VPS54: variants seen among roughly 807,000 people sequenced by gnomAD.
The protein encoded by VPS54 is vacuolar protein sorting-associated protein 54.
A neutral mutation model predicts 121.5 loss-of-function variants in VPS54; 45 were observed. That is an observed-to-expected ratio of 0.37 (90% CI 0.29 to 0.47). The LOEUF is 0.47. Among genes scored for constraint, VPS54 ranks in the 20% least tolerant of loss-of-function variants. VPS54 has a pLI of 0.99. For missense variants in VPS54, 1,090 were observed against 1,131.4 expected (o/e 0.96, Z 0.52); for synonymous variants, 371 against 385.8 (o/e 0.96, Z 0.45).
intron 3 of VPS54, among the ~76,000 whole-genome samples, chr2:63,977,027 T>C (rs977033225): frequency 4.0e-5 from 6 of 151,792 alleles, no homozygotes; most frequent in Non-Finnish European, 8.8e-5. Context: ...TGGGGTTTCA[T>C]CATGTTGGCC....
At chr2:63,979,665 C>G (rs1313723388) in intron 3 of VPS54, among the ~76,000 whole-genome samples, 4 of 152,212 alleles carry the variant, frequency 2.6e-5, no homozygotes. Flanking sequence ...CCCCACAAAT[C>G]CTGATATGTT....
intron 1 of VPS54, among the ~76,000 whole-genome samples, chr2:63,987,086 T>C (rs1345964244): frequency 6.6e-6 from 1 of 152,214 alleles, no homozygotes; most frequent in East Asian, 1.9e-4. Flanking sequence ...ATTCCATTTG[T>C]TCATTTTTGC....
rs570920558 is a variant in VPS54, at chr2:63,991,921, G to A, written c.-20-7902C>T. Among the ~76,000 whole-genome samples the A allele has an allele frequency of 6.6e-5, 10 of 152,302 alleles. No individual in the cohort carries two copies. The South Asian group carries it at 2.1e-3, about 32-fold the overall frequency. ...TTAGGGGTTGGGGCGGTCGATCTCT[G>A]TAGCACTATTCCTCTAAATTTACTA... On this transcript the variant is annotated intron_variant, in intron 1 of 22. Coordinates refer to ENST00000272322, the MANE Select transcript of VPS54 (RefSeq NM_016516.3).
At chr2:63,907,055 T>G (rs1672931518) in intron 20 of VPS54, among the ~76,000 whole-genome samples, 1 of 151,998 alleles carries the variant, frequency 6.6e-6, no homozygotes, top group African/African-American at 2.4e-5. Flanking sequence ...AGTGGAGAAA[T>G]GATAGTCTTT....
chr2:63,975,043 T>C (rs780269763), intron 3 of VPS54: 30 of 1,548,628 alleles, frequency 1.9e-5, no homozygotes, highest in Middle Eastern at 1.7e-4. Context: ...AGAGTTTTTG[T>C]AGATTTTTTT....
intron 1 of VPS54, among the ~76,000 whole-genome samples, chr2:63,985,433 A>G (rs1488283356): frequency 6.6e-6 from 1 of 152,218 alleles, no homozygotes; most frequent in Non-Finnish European, 1.5e-5. Context: ...AAAAATATGT[A>G]TCTGTCTCAG....
chr2:64,007,252 T>G (rs1309703389), intron 1 of VPS54, among the ~76,000 whole-genome samples: 1 of 152,028 alleles, frequency 6.6e-6, no homozygotes, highest in Non-Finnish European at 1.5e-5. Flanking sequence ...GCCTAGAACA[T>G]AAGCAACTTT....
chr2:63,926,706 G>C (rs1318661275), intron 12 of VPS54, among the ~76,000 whole-genome samples: 1 of 152,244 alleles, frequency 6.6e-6, no homozygotes, highest in African/African-American at 2.4e-5. Context: ...GGAAGCACAA[G>C]GGGTCGGGGG....
At position 63,934,534 on chromosome 2, in the gene VPS54, G is replaced by A. The variant is rs576137934; in HGVS notation, c.1399-521C>T. 9.2e-5 allele frequency among the ~76,000 whole-genome samples: 14 copies of A among 151,904 alleles called. No homozygotes were observed. In the South Asian group the frequency reaches 1.0e-3, roughly 11 times the overall value. On this transcript the variant is annotated intron_variant, in intron 11 of 22. Transcript: ENST00000272322. ...AGTGCCTCTGCTGTTTCCTCTATCC[G>A]GAATGCTTTTCACCTTGATCTTTGC...
chr2:64,002,126 G>A (rs987842678), intron 1 of VPS54, among the ~76,000 whole-genome samples: 7 of 152,138 alleles, frequency 4.6e-5, no homozygotes, highest in Non-Finnish European at 1.0e-4. Flanking sequence ...TGCTGTTATA[G>A]TGCATTCAAT....
intron 12 of VPS54, among the ~76,000 whole-genome samples, chr2:63,924,575 C>T (rs751024629): frequency 6.6e-6 from 1 of 152,124 alleles, no homozygotes; most frequent in Admixed American, 6.5e-5. Flanking sequence ...GCCTAGCACT[C>T]TGGGAGGTTG....
At chr2:63,933,549 AAT>A in intron 12 of VPS54, 122 bp downstream of exon 12, 3 of 812,724 alleles carry the variant, frequency 3.7e-6, no homozygotes, top group South Asian at 4.3e-5. Flanking sequence ...TCATAAAATT[AAT>A]ATATTTTTGT....
At chr2:63,894,957 G>A (rs924791199) in intron 22 of VPS54, among the ~76,000 whole-genome samples, 4 of 152,072 alleles carry the variant, frequency 2.6e-5, no homozygotes, top group African/African-American at 7.2e-5. Flanking sequence ...AAAGGGAATC[G>A]GACTGCAGAT....
intron 16 of VPS54, 27 bp downstream of exon 16, chr2:63,916,873 A>T: frequency 1.2e-6 from 2 of 1,609,924 alleles, no homozygotes; most frequent in South Asian, 2.2e-5. Flanking sequence ...AGTTGACTCA[A>T]CTACTAAAGA....
intron 12 of VPS54, among the ~76,000 whole-genome samples, chr2:63,928,180 T>G (rs1674004164): frequency 6.6e-6 from 1 of 152,080 alleles, no homozygotes; most frequent in Admixed American, 6.5e-5. Flanking sequence ...AAGATACTTC[T>G]TGAGAAGAAC....
chr2:63,957,237 TC>T (rs1283910936), intron 7 of VPS54, among the ~76,000 whole-genome samples: 1 of 152,016 alleles, frequency 6.6e-6, no homozygotes, highest in Non-Finnish European at 1.5e-5. Flanking sequence ...GGTCAGGAGA[TC>T]GAGGCCATCC....
intron 14 of VPS54, 26 bp downstream of exon 14, chr2:63,920,417 AAAC>A (rs1558991825): frequency 1.4e-6 from 2 of 1,432,238 alleles, no homozygotes; most frequent in Admixed American, 2.7e-5. Context: ...TGAAAAAATC[AAAC>A]AACAGAATGG....
At chr2:63,998,772 A>T (rs1415531774) in intron 1 of VPS54, among the ~76,000 whole-genome samples, 1 of 152,038 alleles carries the variant, frequency 6.6e-6, no homozygotes, top group Non-Finnish European at 1.5e-5. Flanking sequence ...TGAAAAAATT[A>T]TAGTTATAAT....
intron 12 of VPS54, among the ~76,000 whole-genome samples, chr2:63,931,898 T>C (rs573668604): frequency 6.6e-6 from 1 of 152,072 alleles, no homozygotes; most frequent in Non-Finnish European, 1.5e-5. Context: ...AAAAGACATA[T>C]GAAAAAATGC....
Sources: allele counts gnomAD v4.1 joint callset (sites outside exome capture counted in the v4.1 genomes callset), GRCh38; gene constraint gnomAD v4.1.1; transcripts MANE v1.5; gene names NCBI Gene and HGNC (gene_info 2026-07-23, HGNC 2026-07-21).